Variants in PHF8 observed in about 807,000 individuals in gnomAD.
PHF8 encodes PHD finger protein 8, also known as histone lysine demethylase PHF8.
A neutral mutation model predicts 74.4 loss-of-function variants in PHF8; 9 were observed. The observed-to-expected ratio is 0.12, with a 90% CI of 0.07 to 0.21. The LOEUF (loss-of-function observed/expected upper bound fraction) is 0.21, where lower values mean the gene tolerates loss of function less well. Ranked by LOEUF, PHF8 falls within the 10% of genes least tolerant of loss-of-function variation. PHF8 has a pLI of 1.00. For synonymous variants in PHF8, 311 were observed against 316.6 expected (o/e 0.98, Z 0.19); for missense variants, 478 against 816.6 (o/e 0.59, Z 5.05).
chrX:54,016,210 G>A (rs782732420), intron 6 of PHF8, among the ~76,000 whole-genome samples: 5 of 111,543 alleles, frequency 4.5e-5, no homozygotes, highest in South Asian at 3.8e-4. Context: ...AAAGGAACAC[G>A]AGGCAAGGTG....
intron 20 of PHF8, among the ~76,000 whole-genome samples, chrX:53,940,759 C>A (rs1447016397): frequency 8.9e-6 from 1 of 112,201 alleles, no homozygotes; most frequent in Non-Finnish European, 1.9e-5. Context: ...GCCAAGAAAG[C>A]TGTAAATGAA....
chrX:53,959,659 C>T, intron 19 of PHF8, among the ~76,000 whole-genome samples: 1 of 108,898 alleles, frequency 9.2e-6, no homozygotes, highest in Non-Finnish European at 1.9e-5. Flanking sequence ...GTCAGGAGTT[C>T]GAGACCAGCC....
intron 18 of PHF8, among the ~76,000 whole-genome samples, chrX:53,969,176 A>C (rs2065256238): frequency 9.0e-6 from 1 of 111,140 alleles, no homozygotes; most frequent in African/African-American, 3.3e-5. Flanking sequence ...CAAAGGTTGC[A>C]GTGAGCTGAG....
At chrX:54,009,936 A>G (rs1389971761) in intron 8 of PHF8, among the ~76,000 whole-genome samples, 1 of 107,753 alleles carries the variant, frequency 9.3e-6, no homozygotes. Flanking sequence ...ATTGACACAA[A>G]CAAAAGAGAA....
In PHF8 at chrX:53,939,017, G is replaced by A. The variant is rs782610114; in HGVS notation, c.*141C>T. 41 of 1,064,799 alleles carry A rather than the reference G, an allele frequency of 3.9e-5. No homozygotes were observed. The Middle Eastern group carries it at 1.4e-3, about 37-fold the overall frequency. 87.8% of individuals were successfully genotyped at this position (1,064,799 alleles called of 1,213,427 possible). On this transcript the variant is annotated 3_prime_UTR_variant, in exon 22 of 22. Transcript: ENST00000338154. ...CTAGAAGGAGTCGGTGGAGGGGTCC[G>A]TGCCTTTGGTAAGTCCCAAGAAAGC...
At chrX:54,037,781 A>G (rs1297085401) in intron 2 of PHF8, among the ~76,000 whole-genome samples, 1 of 112,673 alleles carries the variant, frequency 8.9e-6, no homozygotes, top group Non-Finnish European at 1.9e-5. Flanking sequence ...GATAAAGATA[A>G]TTAGGCGAAG....
chrX:54,035,347 ACT>A (rs1411480756), intron 2 of PHF8, among the ~76,000 whole-genome samples: 1 of 103,865 alleles, frequency 9.6e-6, no homozygotes, highest in Non-Finnish European at 2.0e-5. Flanking sequence ...ACAGAGTGAG[ACT>A]CTGTCTCAAA....
rs781800195 is a variant in PHF8, at chrX:54,010,185, G to A, written c.946+937C>T. Among the ~76,000 whole-genome samples, 5 of 110,242 alleles carry A rather than the reference G, an allele frequency of 4.5e-5. No homozygotes were observed. The East Asian group carries it at 1.4e-3, about 32-fold the overall frequency. On this transcript the variant is annotated intron_variant, in intron 8 of 21. Coordinates refer to ENST00000338154, the MANE Select transcript of PHF8 (RefSeq NM_015107.3). The stretch of plus-strand genomic sequence containing the variant: ...AAAATACAAAAATTAGCCGGGCGTG[G>A]TAGTGCAAGCCTGTAATCCCAGCTA...
chrX:53,971,008 T>C (rs782383303), intron 18 of PHF8, among the ~76,000 whole-genome samples: 184 of 111,725 alleles, frequency 1.6e-3, no homozygotes, highest in African/African-American at 5.8e-3. Context: ...GATAGATATC[T>C]ACAGAACCCT....
intron 18 of PHF8, among the ~76,000 whole-genome samples, chrX:53,965,172 C>T (rs1469862102): frequency 4.5e-5 from 5 of 111,744 alleles, no homozygotes; most frequent in Non-Finnish European, 9.4e-5. Flanking sequence ...TGTGCACACA[C>T]ACACACGCAC....
chrX:53,966,903 G>T (rs1226411747), intron 18 of PHF8, among the ~76,000 whole-genome samples: 1 of 110,666 alleles, frequency 9.0e-6, no homozygotes, highest in African/African-American at 3.3e-5. Flanking sequence ...GGGATGTGAG[G>T]AGCGCCTCTG....
chrX:54,024,951 A>G (rs2066242782), intron 2 of PHF8, among the ~76,000 whole-genome samples: 1 of 110,733 alleles, frequency 9.0e-6, no homozygotes, highest in Non-Finnish European at 1.9e-5. Context: ...ATCTTGGCTC[A>G]CTGCAAGCTC....
intron 14 of PHF8, among the ~76,000 whole-genome samples, chrX:53,988,831 A>G (rs142900600): frequency 1.6e-4 from 18 of 110,440 alleles, no homozygotes; most frequent in African/African-American, 5.9e-4. Context: ...CACCACAAAC[A>G]CACACAAAAA....
intron 19 of PHF8, among the ~76,000 whole-genome samples, chrX:53,954,499 C>CAAAAAAAAAAA (rs1180184175): frequency 7.6e-5 from 1 of 13,138 alleles, no homozygotes; most frequent in Non-Finnish European, 1.4e-4. Flanking sequence ...GACTCTGTCT[C>CAAAAAAAAAAA]AAAAAAAAAA....
At chrX:54,032,042 C>G (rs192313647) in intron 2 of PHF8, among the ~76,000 whole-genome samples, 1 of 111,398 alleles carries the variant, frequency 9.0e-6, no homozygotes, top group South Asian at 3.8e-4. Context: ...CTACCTTGCT[C>G]CTCACCTTTA....
At chrX:54,004,669 G>A (rs1413285033) in intron 8 of PHF8, among the ~76,000 whole-genome samples, 3 of 111,429 alleles carry the variant, frequency 2.7e-5, no homozygotes, top group Admixed American at 9.6e-5. Context: ...GGTGGCTCAC[G>A]CCTGTAATCC....
chrX:54,038,158 T>C (rs1305546136), intron 2 of PHF8, among the ~76,000 whole-genome samples: 5 of 112,383 alleles, frequency 4.4e-5, no homozygotes, highest in Non-Finnish European at 9.4e-5. Flanking sequence ...GGATCACTTG[T>C]TTGTTAAAAT....
intron 1 of PHF8, chrX:54,043,063 T>G: frequency 1.9e-6 from 1 of 536,239 alleles, no homozygotes. Flanking sequence ...CCCACCTTCT[T>G]CGGCCCCGTT....
intron 14 of PHF8, among the ~76,000 whole-genome samples, chrX:53,989,830 C>G (rs1349297966): frequency 8.9e-6 from 1 of 111,935 alleles, no homozygotes; most frequent in Non-Finnish European, 1.9e-5. Flanking sequence ...AGAGCTTGAT[C>G]CATGGCAACT....
Sources: gnomAD v4.1 joint callset for allele counts (sites outside exome capture counted in the v4.1 genomes callset) on GRCh38, gnomAD v4.1.1 for gene constraint, MANE v1.5 for transcripts, NCBI Gene and HGNC (gene_info 2026-07-23, HGNC 2026-07-21) for gene names.